Variants in PARD3 observed in about 807,000 individuals in gnomAD.
PARD3 encodes par-3 family cell polarity regulator.
In PARD3, 75 loss-of-function variants were observed where a neutral mutation model predicts 155.4. That is an observed-to-expected ratio of 0.48 (90% CI 0.40 to 0.58). The LOEUF is 0.58. Among genes scored for constraint, PARD3 ranks in the 20% least tolerant of loss-of-function variants. The probability of loss-of-function intolerance (pLI) is 0.00; values close to 1 mark genes in which losing one functional copy is unlikely to be tolerated. For missense variants in PARD3, 1,642 were observed against 1,721.7 expected (o/e 0.95, Z 0.82); for synonymous variants, 576 against 610.5 (o/e 0.94, Z 0.83).
At chr10:34,527,435 T>C (rs1260747187) in intron 2 of PARD3, among the ~76,000 whole-genome samples, 1 of 152,168 alleles carries the variant, frequency 6.6e-6, no homozygotes, top group African/African-American at 2.4e-5. Context: ...CTGAGGGCCG[T>C]TTAACTACTT....
intron 20 of PARD3, among the ~76,000 whole-genome samples, chr10:34,297,635 G>A (rs1956967280): frequency 6.6e-6 from 1 of 152,164 alleles, no homozygotes. Context: ...GGTCTGTTGT[G>A]GGTCTTTTTG....
intron 22 of PARD3, among the ~76,000 whole-genome samples, chr10:34,249,315 AT>A (rs1380353821): frequency 6.6e-6 from 1 of 152,096 alleles, no homozygotes; most frequent in African/African-American, 2.4e-5. Context: ...CTCAGCCTGC[AT>A]TTACCAAGCT....
chr10:34,811,433 C>T (rs370821439), intron 1 of PARD3, among the ~76,000 whole-genome samples: 4 of 152,176 alleles, frequency 2.6e-5, no homozygotes, highest in African/African-American at 9.7e-5. Context: ...ACCCAGAGCC[C>T]ATCTGCCCCT....
At chr10:34,651,750 T>G (rs1034160507) in intron 2 of PARD3, among the ~76,000 whole-genome samples, 10 of 152,350 alleles carry the variant, frequency 6.6e-5, no homozygotes, top group Admixed American at 5.2e-4. Flanking sequence ...GAATTTTCTG[T>G]TTTTGGTAGA....
chr10:34,207,322 CA>C (rs1168627075), intron 22 of PARD3, among the ~76,000 whole-genome samples: 2 of 152,198 alleles, frequency 1.3e-5, no homozygotes, highest in Non-Finnish European at 2.9e-5. Context: ...AGCACAGCAG[CA>C]AGTGTTTTCA....
intron 20 of PARD3, among the ~76,000 whole-genome samples, chr10:34,309,134 A>G (rs994032922): frequency 2.6e-5 from 4 of 152,180 alleles, no homozygotes; most frequent in Admixed American, 1.3e-4. Context: ...GACAGCAAAT[A>G]TATCAAAGGG....
At chr10:34,203,923 T>C (rs1230960535) in intron 22 of PARD3, among the ~76,000 whole-genome samples, 1 of 152,244 alleles carries the variant, frequency 6.6e-6, no homozygotes, top group Non-Finnish European at 1.5e-5. Context: ...AGATATCTAA[T>C]GTCTTTCAAA....
chr10:34,638,153 T>C (rs796764781), intron 2 of PARD3, among the ~76,000 whole-genome samples: 5 of 152,246 alleles, frequency 3.3e-5, no homozygotes, highest in African/African-American at 1.2e-4. Context: ...CCACTTCAAA[T>C]GCAATCATTT....
At chr10:34,190,203 G>GA (rs1950646767) in intron 22 of PARD3, among the ~76,000 whole-genome samples, 1 of 152,132 alleles carries the variant, frequency 6.6e-6, no homozygotes, top group Non-Finnish European at 1.5e-5. Context: ...TTTTGATCCA[G>GA]AAAAATATCT....
chr10:34,450,358 T>C lies in PARD3; in HGVS notation c.673A>G (p.Ser225Gly). Residue 225 changes from serine (S) to glycine (G), a missense_variant, in exon 5 of 25, where the codon AGT becomes GGT. Around this residue, in one of 3 missense-constraint regions of PARD3, gnomAD observed 1,529 missense variants for 1,587.3 expected, o/e 0.96. Transcript: ENST00000374788. ...RDNARSSLSASHPMVGKWLEK... is the reference protein window; with the variant it reads ...RDNARSSLSAGHPMVGKWLEK... ...AGCCACTTGCCCACCATTGGGTGAC[T>C]GGCACTCAGAGACGAGCGAGCATTG... 6.2e-7 allele frequency: 1 copy of C among 1,614,064 alleles called. No homozygotes were observed. Among genetic ancestry groups the C allele is most frequent in the Non-Finnish European group, 8.5e-7 (1 of 1,179,930 alleles).
intron 2 of PARD3, among the ~76,000 whole-genome samples, chr10:34,681,747 T>TATATATATATATATATATATAG (rs2093831834): frequency 6.0e-5 from 1 of 16,558 alleles, no homozygotes; most frequent in Non-Finnish European, 1.1e-4. Context: ...TATATATATA[T>TATATATATATATATATATATAG]ATATATATAT....
intron 7 of PARD3, among the ~76,000 whole-genome samples, chr10:34,385,073 C>T (rs750877475): frequency 3.9e-5 from 6 of 152,174 alleles, no homozygotes; most frequent in Admixed American, 1.3e-4. Flanking sequence ...CTTTAAATCA[C>T]AGTATAAGCA....
At position 34,554,416 on chromosome 10, in the gene PARD3, T is replaced by C. The variant is rs557484699; in HGVS notation, c.223-37257A>G. On this transcript the variant is annotated intron_variant, in intron 2 of 24. Transcript: ENST00000374788. Reference sequence around the variant, plus strand: ...ACAAATGCTTTCAATGTATTAAGAATGTGAAAGATTCTGAATGAGGGTAGC... The same window carrying C: ...ACAAATGCTTTCAATGTATTAAGAACGTGAAAGATTCTGAATGAGGGTAGC... Among the ~76,000 whole-genome samples the C allele has an allele frequency of 1.1e-4, 16 of 152,356 alleles. No individual in the cohort carries two copies. The South Asian group carries it at 3.3e-3, about 32-fold the overall frequency.
intron 22 of PARD3, among the ~76,000 whole-genome samples, chr10:34,221,515 T>C (rs1474073005): frequency 6.6e-6 from 1 of 152,088 alleles, no homozygotes; most frequent in Non-Finnish European, 1.5e-5. Flanking sequence ...CACGTACTTA[T>C]TTTTTTGTGG....
chr10:34,250,360 G>A (rs1954231924), intron 22 of PARD3, among the ~76,000 whole-genome samples: 1 of 152,164 alleles, frequency 6.6e-6, no homozygotes, highest in South Asian at 2.1e-4. Flanking sequence ...AGCCCAGAAG[G>A]AGTCTGCAAA....
chr10:34,300,178 C>T (rs1175423200), intron 20 of PARD3, among the ~76,000 whole-genome samples: 1 of 152,060 alleles, frequency 6.6e-6, no homozygotes, highest in African/African-American at 2.4e-5. Flanking sequence ...ACAAAGATAT[C>T]CACAAATCAT....
intron 1 of PARD3, among the ~76,000 whole-genome samples, chr10:34,764,296 G>A (rs1268347375): frequency 6.6e-6 from 1 of 152,164 alleles, no homozygotes; most frequent in East Asian, 1.9e-4. Context: ...TTAAATATAA[G>A]ATCTCCTAAT....
At chr10:34,577,834 T>A (rs1331266643) in intron 2 of PARD3, among the ~76,000 whole-genome samples, 2 of 151,648 alleles carry the variant, frequency 1.3e-5, no homozygotes, top group Non-Finnish European at 1.5e-5. Context: ...AATGCATTAG[T>A]CAATGCTAGA....
intron 2 of PARD3, among the ~76,000 whole-genome samples, chr10:34,575,443 A>C (rs1733222469): frequency 6.6e-6 from 1 of 152,194 alleles, no homozygotes; most frequent in African/African-American, 2.4e-5. Context: ...TAGACACAGA[A>C]ATAATTTGGC....
Sources: allele counts gnomAD v4.1 joint callset (sites outside exome capture counted in the v4.1 genomes callset), GRCh38; gene constraint gnomAD v4.1.1; regional missense constraint gnomAD v4.1.1; transcripts MANE v1.5; gene names NCBI Gene and HGNC (gene_info 2026-07-23, HGNC 2026-07-21).